NAALADL2: variants seen among roughly 807,000 people sequenced by gnomAD.
NAALADL2 encodes inactive N-acetylated-alpha-linked acidic dipeptidase-like protein 2.
Under a neutral mutation model 87.2 loss-of-function variants are expected in NAALADL2, and 76 were observed. That is an observed-to-expected ratio of 0.87 (90% confidence interval 0.72 to 1.05). The LOEUF (loss-of-function observed/expected upper bound fraction) is 1.05, where lower values mean the gene tolerates loss of function less well. Among genes scored for constraint, NAALADL2 ranks in the 50% least tolerant of loss-of-function variants. NAALADL2 has a pLI of 0.00. For synonymous variants in NAALADL2, 354 were observed against 331.0 expected (o/e 1.07, Z -0.75); for missense variants, 1,089 against 945.8 (o/e 1.15, Z -1.99).
intron 2 of NAALADL2, among the ~76,000 whole-genome samples, chr3:175,227,606 A>G (rs1336318629): frequency 2.0e-5 from 3 of 152,050 alleles, no homozygotes; most frequent in Non-Finnish European, 4.4e-5. Context: ...CTACCTAATT[A>G]TAGCAGAGTG....
intron 4 of NAALADL2, among the ~76,000 whole-genome samples, chr3:175,262,210 G>C (rs1197842621): frequency 2.6e-5 from 4 of 152,020 alleles, no homozygotes; most frequent in Non-Finnish European, 5.9e-5. Context: ...GGCAGCTAAA[G>C]TTAATGCTGA....
At chr3:175,629,171 A>G (rs1179595705) in intron 11 of NAALADL2, among the ~76,000 whole-genome samples, 3 of 148,382 alleles carry the variant, frequency 2.0e-5, no homozygotes, top group African/African-American at 7.4e-5. Flanking sequence ...ATACATATAT[A>G]CACACATACA....
chr3:175,280,151 A>G (rs1754106350), intron 4 of NAALADL2, among the ~76,000 whole-genome samples: 1 of 152,018 alleles, frequency 6.6e-6, no homozygotes, highest in Non-Finnish European at 1.5e-5. Flanking sequence ...CTGAAAAGAT[A>G]AGGAATTTCT....
intron 11 of NAALADL2, among the ~76,000 whole-genome samples, chr3:175,673,050 T>C (rs1734227201): frequency 6.6e-6 from 1 of 152,190 alleles, no homozygotes; most frequent in African/African-American, 2.4e-5. Flanking sequence ...ATCTTTCATA[T>C]TGAGCCTAGA....
chr3:175,042,315 A>G (rs1754169281), intron 1 of NAALADL2, among the ~76,000 whole-genome samples: 1 of 152,174 alleles, frequency 6.6e-6, no homozygotes, highest in African/African-American at 2.4e-5. Context: ...AATACTATAT[A>G]TACACCTCAT....
At chr3:175,538,639 A>G (rs982951354) in intron 9 of NAALADL2, among the ~76,000 whole-genome samples, 1 of 152,128 alleles carries the variant, frequency 6.6e-6, no homozygotes. Context: ...CTCCATTCAT[A>G]TTTTTGATAT....
At chr3:174,941,103 A>C (rs953662976) in intron 1 of NAALADL2, among the ~76,000 whole-genome samples, 1 of 151,914 alleles carries the variant, frequency 6.6e-6, no homozygotes, top group Non-Finnish European at 1.5e-5. Context: ...TAGGTTGTTA[A>C]TTTGAGATCT....
intron 9 of NAALADL2, among the ~76,000 whole-genome samples, chr3:175,549,228 A>G (rs964881933): frequency 6.6e-6 from 1 of 151,932 alleles, no homozygotes; most frequent in African/African-American, 2.4e-5. Context: ...TAAATAATAC[A>G]CCACCCTTTT....
intron 2 of NAALADL2, among the ~76,000 whole-genome samples, chr3:174,620,248 T>C (rs1328429597): frequency 6.6e-6 from 1 of 152,046 alleles, no homozygotes; most frequent in Non-Finnish European, 1.5e-5. Context: ...GTCCTTGAGA[T>C]GGTTACAGAT....
chr3:175,227,724 A>G (rs1164448173), intron 2 of NAALADL2, among the ~76,000 whole-genome samples: 2 of 151,996 alleles, frequency 1.3e-5, no homozygotes, highest in Non-Finnish European at 2.9e-5. Context: ...ATTTGAAATG[A>G]TTAATAAATA....
chr3:174,921,115 CAG>C (rs905835201), intron 1 of NAALADL2, among the ~76,000 whole-genome samples: 1 of 152,202 alleles, frequency 6.6e-6, no homozygotes, highest in Admixed American at 6.5e-5. Context: ...AAATGTGAAA[CAG>C]AGTTATGAAA....
At chr3:175,101,124 A>G (rs1221699169) in intron 2 of NAALADL2, among the ~76,000 whole-genome samples, 1 of 152,162 alleles carries the variant, frequency 6.6e-6, no homozygotes, top group African/African-American at 2.4e-5. Context: ...TTCAGCTGAG[A>G]ATTCATCCTG....
intron 2 of NAALADL2, among the ~76,000 whole-genome samples, chr3:174,667,860 A>G (rs892112022): frequency 2.6e-5 from 4 of 152,142 alleles, no homozygotes; most frequent in African/African-American, 7.2e-5. Context: ...TTCTTTTTTA[A>G]AAAATAGTAA....
rs559509282 is a variant in NAALADL2, at chr3:175,118,636, C to G, written c.545+21345C>G. Among the ~76,000 whole-genome samples the G allele has an allele frequency of 7.2e-5, 11 of 151,734 alleles. No individual in the cohort carries two copies. In the East Asian group the frequency reaches 2.1e-3, roughly 30 times the overall value. The stretch of plus-strand genomic sequence containing the variant: ...TCTTTTATTCAATACTCTATAATGT[C>G]TAAATCAAAGTTTCTAATGCATTTT... On this transcript the variant is annotated intron_variant, in intron 2 of 13. Transcript: ENST00000454872.
At chr3:174,646,542 AAAAC>A (rs1285567854) in intron 2 of NAALADL2, among the ~76,000 whole-genome samples, 3 of 151,826 alleles carry the variant, frequency 2.0e-5, no homozygotes, top group Non-Finnish European at 2.9e-5. Flanking sequence ...GGCTGAAACA[AAAAC>A]AATCTCAATA....
Position 175,509,527 on chromosome 3 carries a change from T to C in NAALADL2, c.1653+37769T>C, listed in dbSNP as rs148364823. ...ATAAATCACTCCTTTTTTGTGTATA[T>C]TATAAACAGCTCTATTGTAGTAATG... On this transcript the variant is annotated intron_variant, in intron 9 of 13. Transcript: ENST00000454872. Among the ~76,000 whole-genome samples the C allele has an allele frequency of 3.4e-3, 513 of 152,374 alleles. 1 individual carries two copies. The highest frequency in any genetic ancestry group is 0.014 in the Middle Eastern group (4 of 294).
intron 9 of NAALADL2, among the ~76,000 whole-genome samples, chr3:175,515,786 T>C (rs1243914671): frequency 6.6e-6 from 1 of 152,138 alleles, no homozygotes; most frequent in African/African-American, 2.4e-5. Context: ...GATTTCCCAG[T>C]TGTTTCTCTA....
At chr3:175,296,974 A>G (rs1288989936) in intron 4 of NAALADL2, among the ~76,000 whole-genome samples, 1 of 152,172 alleles carries the variant, frequency 6.6e-6, no homozygotes, top group Admixed American at 6.6e-5. Flanking sequence ...TTAGGCTTAC[A>G]GAAGAGGCCA....
chr3:174,606,369 T>C (rs144050053), intron 2 of NAALADL2, among the ~76,000 whole-genome samples: 1 of 151,968 alleles, frequency 6.6e-6, no homozygotes, highest in Non-Finnish European at 1.5e-5. Flanking sequence ...ATCAAACTAC[T>C]CTGAGCTACA....
Sources: allele counts gnomAD v4.1 joint callset (sites outside exome capture counted in the v4.1 genomes callset), GRCh38; gene constraint gnomAD v4.1.1; transcripts MANE v1.5; gene names NCBI Gene and HGNC (gene_info 2026-07-23, HGNC 2026-07-21).